GGA2: variants seen among roughly 807,000 people sequenced by gnomAD.
GGA2 encodes the protein ADP-ribosylation factor-binding protein GGA2.
In GGA2, 48 loss-of-function variants were observed where a neutral mutation model predicts 79.5. The ratio of observed to expected loss-of-function variants is 0.60; its 90% CI spans 0.48 to 0.77. The LOEUF (loss-of-function observed/expected upper bound fraction) is 0.77. Among genes scored for constraint, GGA2 ranks in the 30% least tolerant of loss-of-function variants. The pLI is 0.00. For missense variants in GGA2, 770 were observed against 774.0 expected (o/e 0.99, Z 0.06); for synonymous variants, 317 against 302.0 (o/e 1.05, Z -0.51).
chr16:23,477,472 G>A (rs1964589510), intron 13 of GGA2, among the ~76,000 whole-genome samples: 1 of 152,158 alleles, frequency 6.6e-6, no homozygotes, highest in South Asian at 2.1e-4. Context: ...GGCTGAGTGT[G>A]GTGGCTCATG....
In GGA2 at chr16:23,493,445, C is replaced by T. The variant is rs1418099938; in HGVS notation, c.266G>A (p.Cys89Tyr). Reference protein sequence around the residue: ...ALYALTVLEMCMNHCGEKFHS... With the variant: ...ALYALTVLEMYMNHCGEKFHS... ...GAACTTCTCCCCACAGTGGTTCATG[C>T]ACATCTCCAGCACCTGCACAGACAC... is the stretch of plus-strand genomic sequence containing the variant. Residue 89 changes from cysteine to tyrosine, a missense_variant, in exon 4 of 17, where the codon TGC becomes TAC. Cys to Tyr is a radical substitution (Grantham distance 194). Coordinates refer to ENST00000309859, the MANE Select transcript of GGA2 (RefSeq NM_015044.4). 10 of 1,609,588 alleles carry T rather than the reference C, an allele frequency of 6.2e-6. No homozygotes were observed. Among genetic ancestry groups the T allele is most frequent in the Non-Finnish European group, 8.5e-6 (10 of 1,175,898 alleles).
chr16:23,510,891 G>GTT (rs1183313394), upstream of GGA2, among the ~76,000 whole-genome samples: 2 of 148,968 alleles, frequency 1.3e-5, no homozygotes, highest in Non-Finnish European at 3.0e-5. Context: ...GTGTGTGTTA[G>GTT]AGACTGGGTT....
chr16:23,493,617 G>T, intron 3 of GGA2, 159 bp from the exon 4 acceptor site: 1 of 601,442 alleles, frequency 1.7e-6, no homozygotes, highest in Non-Finnish European at 3.0e-6. Context: ...GACGTTTTCA[G>T]ATCAAGAAAA....
At chr16:23,511,155 C>A (rs1028381113), upstream of GGA2, among the ~76,000 whole-genome samples, 3 of 151,586 alleles carry the variant, frequency 2.0e-5, no homozygotes, top group Admixed American at 1.3e-4. Flanking sequence ...TTTTATTTTT[C>A]TTTTTTTCTT....
Position 23,493,446 on chromosome 16 carries a change from A to G in GGA2, c.265T>C (p.Cys89Arg). 6.2e-7 allele frequency: 1 copy of G among 1,609,682 alleles called. No individual in the cohort carries two copies. The highest frequency in any genetic ancestry group is 8.5e-7 in the Non-Finnish European group (1 of 1,175,978). Residue 89 changes from cysteine (C) to arginine (R), a missense_variant, in exon 4 of 17, where the codon TGC becomes CGC. Physicochemically the swap from Cys to Arg is radical, Grantham distance 180. Coordinates refer to ENST00000309859, the MANE Select transcript of GGA2 (RefSeq NM_015044.4). ...ALYALTVLEMCMNHCGEKFHS... is the reference protein window; with the variant it reads ...ALYALTVLEMRMNHCGEKFHS... The stretch of plus-strand genomic sequence containing the variant: ...AACTTCTCCCCACAGTGGTTCATGC[A>G]CATCTCCAGCACCTGCACAGACACA...
rs756090953 is a variant in GGA2, at chr16:23,480,753, T to C, written c.898A>G (p.Asn300Asp). The C allele has an allele frequency of 3.1e-6, 5 of 1,610,344 alleles. No homozygotes were observed. Among genetic ancestry groups the C allele is most frequent in the East Asian group, 2.2e-5 (1 of 44,746 alleles). Residue 300 changes from asparagine (N) to aspartate (D), a missense_variant, in exon 10 of 17, where the codon AAT becomes GAT. Coordinates refer to ENST00000309859, the MANE Select transcript of GGA2 (RefSeq NM_015044.4). ...DDALAEILQA[N>D]DLLTQGVLLY... is the part of the protein sequence containing the mutation. ...AGAACTCCTTGGGTGAGGAGGTCAT[T>C]TGCCTGGAGAATTTCCGCTGAAGAA...
chr16:23,465,814 G>A lies in GGA2; in HGVS notation c.*1776C>T, dbSNP rs531121104. On this transcript the variant is annotated 3_prime_UTR_variant, in exon 17 of 17. Transcript: ENST00000309859. ...AAATTAGCTGGGCGTGCTGGCTCAC[G>A]CCTGTAGTCCCAGCTACTCGAGAGG... is the stretch of plus-strand genomic sequence containing the variant. The A allele has an allele frequency of 7.8e-5, 14 of 178,976 alleles. No individual in the cohort carries two copies. Among genetic ancestry groups the A allele is most frequent in the East Asian group, 4.4e-4 (3 of 6,760 alleles). 11.1% of individuals were successfully genotyped at this position (178,976 alleles called of 1,614,324 possible).
chr16:23,517,235 T>TGAATC (rs1451460600), intron 2 of GGA2, among the ~76,000 whole-genome samples: 4 of 37,892 alleles, frequency 1.1e-4, no homozygotes, highest in Admixed American at 3.1e-4. Flanking sequence ...TTTTTTCTTT[T>TGAATC]TTTTTTTTTT....
chr16:23,473,971 C>T (rs771373083), intron 14 of GGA2, among the ~76,000 whole-genome samples: 30 of 152,200 alleles, frequency 2.0e-4, no homozygotes, highest in Non-Finnish European at 3.8e-4. Context: ...CACAAAGAGC[C>T]ATAGGAGGGC....
In GGA2 at chr16:23,488,676, T is replaced by C. The variant is rs1567364599; in HGVS notation, c.509A>G (p.Asp170Gly). ...GGGAGATGGTGGGGGTAAGATTTTATCCACTGGTAGTTTAGGGTCTTGTTT... is the reference window on the plus strand; with the variant it reads ...GGGAGATGGTGGGGGTAAGATTTTACCCACTGGTAGTTTAGGGTCTTGTTT... ...IIKQDPKLPV[D>G]KILPPPSPWP... Residue 170 changes from aspartate (D) to glycine (G), a missense_variant, in exon 6 of 17, where the codon GAT (aspartate) becomes GGT (glycine). By Grantham distance (94) the Asp-to-Gly change is moderately conservative. Transcript: ENST00000309859. 6 of 1,607,436 alleles carry C rather than the reference T, an allele frequency of 3.7e-6. No individual in the cohort carries two copies. The highest frequency in any genetic ancestry group is 5.1e-6 in the Non-Finnish European group (6 of 1,174,082).
intron 1 of GGA2, among the ~76,000 whole-genome samples, chr16:23,502,993 C>T (rs1212552510): frequency 6.6e-6 from 1 of 152,220 alleles, no homozygotes; most frequent in Non-Finnish European, 1.5e-5. Context: ...ATGATCTCTG[C>T]TGTCTTTTGT....
intron 1 of GGA2, among the ~76,000 whole-genome samples, chr16:23,520,021 C>T (rs1271069154): frequency 9.9e-5 from 15 of 151,996 alleles, no homozygotes; most frequent in Admixed American, 6.6e-5. Flanking sequence ...CCGAGGCAGG[C>T]GGATCACCTG....
rs919039954 is a variant in GGA2 at position 23,479,769 on chromosome 16, G to C, written c.1125C>G (p.Ala375=). ...CCCACAAGCACCTGCCCTCACCCAA[G>C]GCTGCCAGGTCCTGATGAAGCAAAG... ...VPSLLHQDLA[A]LGISDAPVTG... The change falls in exon 11 of 17, where the codon GCC becomes GCG. Residue 375 remains alanine, a synonymous_variant. Transcript: ENST00000309859. The C allele has an allele frequency of 9.3e-6, 15 of 1,613,872 alleles. No individual in the cohort carries two copies. The highest frequency in any genetic ancestry group is 3.3e-5 in the Admixed American group (2 of 59,990).
At chr16:23,512,736 G>T (rs1445288923), upstream of GGA2, among the ~76,000 whole-genome samples, 4 of 103,770 alleles carry the variant, frequency 3.9e-5, no homozygotes, top group East Asian at 9.0e-4. Flanking sequence ...TTTGAGTCTC[G>T]CTCTGTTGCC....
chr16:23,470,176 G>C lies in GGA2; in HGVS notation c.1451-11C>G, dbSNP rs1436048909. 6.3e-7 allele frequency: 1 copy of C among 1,578,918 alleles called. No individual in the cohort carries two copies. The highest frequency in any genetic ancestry group is 8.6e-7 in the Non-Finnish European group (1 of 1,163,338). ...GAGGCGGCAGGCTGCCTGGTATAAAGGGCACAAGCAGAAGGTTTAACACCA... is the reference window on the plus strand; with the variant it reads ...GAGGCGGCAGGCTGCCTGGTATAAACGGCACAAGCAGAAGGTTTAACACCA... On this transcript the variant is annotated splice_polypyrimidine_tract_variant and intron_variant, in intron 14 of 16. Transcript: ENST00000309859.
At chr16:23,493,584 G>A (rs1396077590) in intron 3 of GGA2, 126 bp from the exon 4 acceptor site, 3 of 664,452 alleles carry the variant, frequency 4.5e-6, no homozygotes, top group Non-Finnish European at 8.1e-6. Context: ...AGCCTATGAG[G>A]ACACTGAAGT....
chr16:23,472,830 C>T (rs529770438), intron 14 of GGA2, among the ~76,000 whole-genome samples: 9 of 151,928 alleles, frequency 5.9e-5, no homozygotes, highest in African/African-American at 1.9e-4. Context: ...GTCAAGAGAT[C>T]GAGACCATCC....
intron 1 of GGA2, among the ~76,000 whole-genome samples, chr16:23,498,333 A>T (rs984081462): frequency 4.0e-5 from 6 of 151,638 alleles, no homozygotes; most frequent in African/African-American, 1.5e-4. Flanking sequence ...CTAGCTACTC[A>T]GGAGCATCAC....
chr16:23,491,608 G>A (rs1964788453), intron 5 of GGA2, 69 bp downstream of exon 5: 3 of 1,459,752 alleles, frequency 2.1e-6, no homozygotes, highest in Non-Finnish European at 2.8e-6. Flanking sequence ...AAAATTATAA[G>A]GCAGATGAAA....
Sources: gnomAD v4.1 joint callset for allele counts (sites outside exome capture counted in the v4.1 genomes callset) on GRCh38, gnomAD v4.1.1 for gene constraint, MANE v1.5 for transcripts, NCBI Gene and HGNC (gene_info 2026-07-23, HGNC 2026-07-21) for gene names.